Variants in TYW1B observed in about 807,000 individuals in gnomAD.
TYW1B encodes the protein S-adenosyl-L-methionine-dependent tRNA 4-demethylwyosine synthase TYW1B.
A neutral mutation model predicts 86.9 loss-of-function variants in TYW1B; 73 were observed. The observed-to-expected ratio is 0.84, with a 90% CI of 0.70 to 1.02. The LOEUF is 1.02. Ranked by LOEUF, TYW1B falls within the 50% of genes least tolerant of loss-of-function variation. TYW1B has a pLI of 0.00. For missense variants in TYW1B, 637 were observed against 827.4 expected, an observed-to-expected ratio of 0.77 and a Z score of 2.82; for synonymous variants, 248 against 292.8, an observed-to-expected ratio of 0.85 and a Z score of 1.56.
At chr7:72,785,680 T>G (rs1295610621) in intron 6 of TYW1B, among the ~76,000 whole-genome samples, 4 of 152,102 alleles carry the variant, frequency 2.6e-5, no homozygotes, top group Non-Finnish European at 4.4e-5. Flanking sequence ...AGTCTTACAA[T>G]GACAGTGCTT....
chr7:72,592,069 C>T (rs1192229287), intron 13 of TYW1B, among the ~76,000 whole-genome samples: 1 of 151,202 alleles, frequency 6.6e-6, no homozygotes, highest in African/African-American at 2.4e-5. Context: ...ATGATCTGCC[C>T]ACCTCGGCCT....
At chr7:72,735,482 G>A (rs182667139) in intron 8 of TYW1B, among the ~76,000 whole-genome samples, 1 of 150,738 alleles carries the variant, frequency 6.6e-6, no homozygotes, top group Non-Finnish European at 1.5e-5. Flanking sequence ...TGAGGCAAGA[G>A]AATCACTTGA....
At chr7:72,612,425 C>G (rs1403458711) in intron 13 of TYW1B, among the ~76,000 whole-genome samples, 1 of 152,144 alleles carries the variant, frequency 6.6e-6, no homozygotes, top group Non-Finnish European at 1.5e-5. Context: ...ATTTTACAAT[C>G]AATAAAACAT....
chr7:72,743,231 CAT>C (rs1455762474), intron 8 of TYW1B, among the ~76,000 whole-genome samples: 2 of 152,104 alleles, frequency 1.3e-5, no homozygotes, highest in African/African-American at 4.8e-5. Flanking sequence ...CTCCTACCAT[CAT>C]AACACAGAGT....
chr7:72,808,054 G>C (rs1376901354), intron 4 of TYW1B, among the ~76,000 whole-genome samples: 1 of 150,840 alleles, frequency 6.6e-6, no homozygotes, highest in African/African-American at 2.4e-5. Flanking sequence ...AGCCGAGATT[G>C]TGCCATTGCA....
intron 10 of TYW1B, among the ~76,000 whole-genome samples, chr7:72,706,249 AG>A (rs1814610186): frequency 6.6e-6 from 1 of 152,066 alleles, no homozygotes; most frequent in African/African-American, 2.4e-5. Flanking sequence ...ACCAACATGG[AG>A]AAACCCGTCT....
chr7:72,657,381 G>A (rs1813229535), intron 11 of TYW1B, among the ~76,000 whole-genome samples: 1 of 152,064 alleles, frequency 6.6e-6, no homozygotes, highest in South Asian at 2.1e-4. Flanking sequence ...TTGAATTTCA[G>A]GAGTTCCAGA....
At chr7:72,638,246 A>G (rs1200873394) in intron 11 of TYW1B, among the ~76,000 whole-genome samples, 1 of 151,866 alleles carries the variant, frequency 6.6e-6, no homozygotes, top group Non-Finnish European at 1.5e-5. Context: ...GCACTGTGCA[A>G]TAGAGCTTCT....
chr7:72,750,001 C>CA (rs1171289348), intron 7 of TYW1B, among the ~76,000 whole-genome samples: 139,336 of 149,116 alleles, frequency 0.93, 65,204 homozygotes, highest in African/African-American at 0.98. Flanking sequence ...ATGATCCTCC[C>CA]TCACAGCCTC....
chr7:72,809,551 G>A (rs1788561753), intron 4 of TYW1B, among the ~76,000 whole-genome samples: 1 of 152,116 alleles, frequency 6.6e-6, no homozygotes, highest in Non-Finnish European at 1.5e-5. Flanking sequence ...TACTAGGGAG[G>A]CTGACTTGGG....
At chr7:72,632,366 C>CAT (rs1563038607) in intron 11 of TYW1B, among the ~76,000 whole-genome samples, 3 of 70,854 alleles carry the variant, frequency 4.2e-5, no homozygotes, top group Admixed American at 1.8e-4. Context: ...TATATATATA[C>CAT]GCATATATAT....
chr7:72,695,184 C>A (rs1441845580), intron 10 of TYW1B, among the ~76,000 whole-genome samples: 2 of 152,200 alleles, frequency 1.3e-5, no homozygotes, highest in East Asian at 3.9e-4. Flanking sequence ...CCCACCCACA[C>A]ACTCTGCCGA....
chr7:72,658,854 T>G (rs3015897), intron 11 of TYW1B, among the ~76,000 whole-genome samples: 125,275 of 152,036 alleles, frequency 0.82, 52,164 homozygotes, highest in Middle Eastern at 0.88. Context: ...CCAAGCAGCT[T>G]GGATTATAGA....
At chr7:72,827,739 A>C (rs1788963763) in intron 1 of TYW1B, among the ~76,000 whole-genome samples, 1 of 151,458 alleles carries the variant, frequency 6.6e-6, no homozygotes, top group South Asian at 2.1e-4. Flanking sequence ...TTTTTAAGAG[A>C]GATATGGAAG....
At chr7:72,630,671 A>C (rs1391113882) in intron 11 of TYW1B, among the ~76,000 whole-genome samples, 1 of 152,228 alleles carries the variant, frequency 6.6e-6, no homozygotes, top group Non-Finnish European at 1.5e-5. Flanking sequence ...CAGCCACACC[A>C]GAAATTAATG....
intron 10 of TYW1B, among the ~76,000 whole-genome samples, chr7:72,708,008 G>A (rs34516888): frequency 1.3e-5 from 2 of 152,162 alleles, no homozygotes; most frequent in African/African-American, 4.8e-5. Flanking sequence ...CGCCATGATT[G>A]TAAGTTTCCT....
intron 9 of TYW1B, among the ~76,000 whole-genome samples, chr7:72,716,188 C>T (rs552255287): frequency 7.2e-5 from 11 of 152,198 alleles, no homozygotes; most frequent in African/African-American, 1.2e-4. Context: ...CTGCCCGCCT[C>T]GGCCTCCCAA....
At chr7:72,695,758 A>G (rs1554451348) in intron 10 of TYW1B, among the ~76,000 whole-genome samples, 3 of 151,962 alleles carry the variant, frequency 2.0e-5, no homozygotes, top group Non-Finnish European at 2.9e-5. Flanking sequence ...ACGCCCGGCT[A>G]ATTTTTAAAA....
At chr7:72,687,365 C>T (rs1376608555) in intron 11 of TYW1B, among the ~76,000 whole-genome samples, 1 of 152,050 alleles carries the variant, frequency 6.6e-6, no homozygotes. Flanking sequence ...AGCCAGGAGG[C>T]GGAGGGTGCA....
Sources: gnomAD v4.1 joint callset for allele counts (sites outside exome capture counted in the v4.1 genomes callset) on GRCh38, gnomAD v4.1.1 for gene constraint, MANE v1.5 for transcripts, NCBI Gene and HGNC (gene_info 2026-07-23, HGNC 2026-07-21) for gene names.